Variants in METTL24 observed in about 807,000 individuals in gnomAD.
METTL24 encodes the protein probable methyltransferase-like protein 24.
A neutral mutation model predicts 32.7 loss-of-function variants in METTL24; 29 were observed. The observed-to-expected ratio is 0.89, with a 90% CI of 0.66 to 1.21. METTL24 has a LOEUF of 1.21. METTL24 is among the 50% of genes most tolerant of loss of function. METTL24 has a pLI of 0.00. For missense variants in METTL24, 439 were observed against 468.1 expected, an observed-to-expected ratio of 0.94 and a Z score of 0.57; for synonymous variants, 163 against 179.5, an observed-to-expected ratio of 0.91 and a Z score of 0.73.
At chr6:110,336,694 G>A (rs1188252987) in intron 1 of METTL24, among the ~76,000 whole-genome samples, 4 of 149,392 alleles carry the variant, frequency 2.7e-5, no homozygotes, top group Admixed American at 1.3e-4. Context: ...AGCTGAGATT[G>A]CGCCACTGCA....
At chr6:110,307,208 A>G (rs979226343) in intron 3 of METTL24, among the ~76,000 whole-genome samples, 1 of 152,246 alleles carries the variant, frequency 6.6e-6, no homozygotes, top group Non-Finnish European at 1.5e-5. Context: ...AAGGCACTAC[A>G]CTGGACACCA....
intron 3 of METTL24, among the ~76,000 whole-genome samples, chr6:110,308,983 A>T (rs1771671389): frequency 6.6e-6 from 1 of 152,208 alleles, no homozygotes; most frequent in Non-Finnish European, 1.5e-5. Flanking sequence ...AGGGAAATTG[A>T]GAGTGACTGC....
At position 110,311,468 on chromosome 6, in the gene METTL24, G is replaced by GTTTTTT. The variant is rs1051868507; in HGVS notation, c.557+3868_557+3873dup. On this transcript the variant is annotated intron_variant, in intron 3 of 4. Transcript: ENST00000338882. ...TTCTTTTCTTTTCTTTTCTTTCTTT[G>GTTTTTT]TTTTTTTTTTTTTTTTTTTTTTTGA... Among the ~76,000 whole-genome samples, 163 of 96,132 alleles carry GTTTTTT rather than the reference G, an allele frequency of 1.7e-3. 2 individuals carry two copies. The highest frequency in any genetic ancestry group is 2.1e-3 in the Non-Finnish European group (103 of 50,232). 63.1% of individuals were successfully genotyped at this position (96,132 alleles called of 152,430 possible).
chr6:110,256,814 T>C (rs1187659842), intron 4 of METTL24, among the ~76,000 whole-genome samples: 1 of 152,230 alleles, frequency 6.6e-6, no homozygotes, highest in Non-Finnish European at 1.5e-5. Flanking sequence ...CCAAATGTAA[T>C]TCTTTGTCAT....
intron 1 of METTL24, among the ~76,000 whole-genome samples, chr6:110,337,988 T>C (rs565650870): frequency 6.6e-6 from 1 of 152,322 alleles, no homozygotes; most frequent in African/African-American, 2.4e-5. Flanking sequence ...TTTTGCTGCT[T>C]TTACAGTCCC....
rs151086686 is a variant in METTL24 at position 110,252,403 on chromosome 6, C to T, written c.787-6143G>A. On this transcript the variant is annotated intron_variant, in intron 4 of 4. Transcript: ENST00000338882. Reference sequence around the variant, plus strand: ...TTCCTGGTGTCTCCACTTTTTCTTACAAGGACACTAGTCTTGTTGGATTAG... The same window carrying T: ...TTCCTGGTGTCTCCACTTTTTCTTATAAGGACACTAGTCTTGTTGGATTAG... Among the ~76,000 whole-genome samples the T allele has an allele frequency of 5.8e-3, 876 of 152,296 alleles. 2 individuals carry two copies. Among genetic ancestry groups the T allele is most frequent in the Non-Finnish European group, 9.0e-3 (610 of 68,016 alleles).
intron 4 of METTL24, among the ~76,000 whole-genome samples, chr6:110,272,381 T>A (rs530231955): frequency 6.6e-6 from 1 of 152,352 alleles, no homozygotes; most frequent in African/African-American, 2.4e-5. Flanking sequence ...TCGATGGGCA[T>A]TTAGGATGGT....
At chr6:110,274,729 A>T (rs1157273343) in intron 4 of METTL24, among the ~76,000 whole-genome samples, 1 of 151,700 alleles carries the variant, frequency 6.6e-6, no homozygotes, top group East Asian at 1.9e-4. Flanking sequence ...TAAAGCAAAA[A>T]GTAAAGGTCC....
At chr6:110,288,589 G>C (rs1771264952) in intron 4 of METTL24, among the ~76,000 whole-genome samples, 1 of 152,158 alleles carries the variant, frequency 6.6e-6, no homozygotes, top group Non-Finnish European at 1.5e-5. Context: ...AGATGAAGGT[G>C]AGATGCACCC....
chr6:110,278,833 A>G (rs1375790603), intron 4 of METTL24, among the ~76,000 whole-genome samples: 1 of 152,146 alleles, frequency 6.6e-6, no homozygotes, highest in Non-Finnish European at 1.5e-5. Flanking sequence ...ACCAGCCTGG[A>G]GAACACAGTG....
At position 110,355,012 on chromosome 6, in the gene METTL24, A is replaced by G. The variant is rs910218333; in HGVS notation, c.318+2943T>C. On this transcript the variant is annotated intron_variant, in intron 1 of 4. Coordinates refer to ENST00000338882, the MANE Select transcript of METTL24 (RefSeq NM_001123364.3). Reference sequence around the variant, plus strand: ...AATAGGCTGAAATAGTAAGATTCTTATACTTTCACATACTGGGGTCTCAGG... The same window carrying G: ...AATAGGCTGAAATAGTAAGATTCTTGTACTTTCACATACTGGGGTCTCAGG... 2.0e-5 allele frequency among the ~76,000 whole-genome samples: 3 copies of G among 152,226 alleles called. No individual in the cohort carries two copies. In the South Asian group the frequency reaches 6.2e-4, roughly 32 times the overall value.
At chr6:110,255,284 G>T (rs1481884124) in intron 4 of METTL24, among the ~76,000 whole-genome samples, 2 of 152,000 alleles carry the variant, frequency 1.3e-5, no homozygotes, top group African/African-American at 4.8e-5. Context: ...CTTTTTTTCT[G>T]GCCAGATATG....
At chr6:110,273,373 TAAAAA>T (rs1180293444) in intron 4 of METTL24, among the ~76,000 whole-genome samples, 1 of 152,022 alleles carries the variant, frequency 6.6e-6, no homozygotes, top group Non-Finnish European at 1.5e-5. Flanking sequence ...TTTTCTCCTT[TAAAAA>T]GTGGGCAAAG....
intron 1 of METTL24, among the ~76,000 whole-genome samples, chr6:110,329,865 G>A (rs966927056): frequency 3.4e-4 from 52 of 152,188 alleles, no homozygotes; most frequent in African/African-American, 1.2e-3. Flanking sequence ...CGCCTCCCAC[G>A]GAATGCAGCA....
chr6:110,267,840 G>C (rs182451621), intron 4 of METTL24, among the ~76,000 whole-genome samples: 3 of 152,164 alleles, frequency 2.0e-5, no homozygotes, highest in Admixed American at 6.5e-5. Flanking sequence ...ATGGGAACAG[G>C]CATGTCAAAT....
In METTL24 at chr6:110,303,377, C is replaced by T. The variant is rs897648568; in HGVS notation, c.558-4227G>A. On this transcript the variant is annotated intron_variant, in intron 3 of 4. Coordinates refer to ENST00000338882, the MANE Select transcript of METTL24 (RefSeq NM_001123364.3). ...AGACAAGTGGTCTTGCTCAGCAGAT[C>T]CCACCCCCAAGGAGCCCAGCAAGCT... Among the ~76,000 whole-genome samples, 8 of 152,264 alleles carry T rather than the reference C, an allele frequency of 5.3e-5. No individual in the cohort carries two copies. In the East Asian group the frequency reaches 1.4e-3, roughly 26 times the overall value.
At chr6:110,296,147 T>G (rs1771414870) in intron 4 of METTL24, among the ~76,000 whole-genome samples, 1 of 152,216 alleles carries the variant, frequency 6.6e-6, no homozygotes, top group Admixed American at 6.5e-5. Context: ...TTCAGAGTTA[T>G]CAGCAGCATG....
intron 4 of METTL24, among the ~76,000 whole-genome samples, chr6:110,266,555 T>C (rs554578658): frequency 6.6e-6 from 1 of 152,302 alleles, no homozygotes; most frequent in Admixed American, 6.5e-5. Flanking sequence ...TCCAGGATCA[T>C]GGCAGTTCTC....
chr6:110,282,498 G>GA (rs897650350), intron 4 of METTL24, among the ~76,000 whole-genome samples: 3 of 152,080 alleles, frequency 2.0e-5, no homozygotes, highest in Admixed American at 1.3e-4. Context: ...CCATTTCATG[G>GA]AAAAAATGGA....
Sources: allele counts gnomAD v4.1 joint callset (sites outside exome capture counted in the v4.1 genomes callset), GRCh38; gene constraint gnomAD v4.1.1; transcripts MANE v1.5; gene names NCBI Gene and HGNC (gene_info 2026-07-23, HGNC 2026-07-21).